Variants in PTPRK observed in about 807,000 individuals in gnomAD.
The protein encoded by PTPRK is receptor-type tyrosine-protein phosphatase kappa.
In PTPRK, 75 loss-of-function variants were observed where a neutral mutation model predicts 178.0. The ratio of observed to expected loss-of-function variants is 0.42; its 90% CI spans 0.35 to 0.51. The LOEUF is 0.51. Ranked by LOEUF, PTPRK falls within the 20% of genes least tolerant of loss-of-function variation. PTPRK has a pLI of 0.02. For missense variants in PTPRK, 1,441 were observed against 1,797.8 expected (o/e 0.80, Z 3.59); for synonymous variants, 637 against 620.6 (o/e 1.03, Z -0.39).
At chr6:127,972,966 G>T (rs908310472) in intron 29 of PTPRK, 56 bp downstream of exon 29, 26 of 1,531,290 alleles carry the variant, frequency 1.7e-5, no homozygotes, top group Non-Finnish European at 2.3e-5. Context: ...CAATAAGTAG[G>T]TATATGACTA....
chr6:128,063,273 T>C (rs1781175248), intron 13 of PTPRK, among the ~76,000 whole-genome samples: 1 of 152,198 alleles, frequency 6.6e-6, no homozygotes, highest in African/African-American at 2.4e-5. Context: ...GGTAAGACTG[T>C]TTCCAGGATC....
chr6:128,065,206 T>C (rs1582816256), intron 12 of PTPRK, among the ~76,000 whole-genome samples: 2 of 152,308 alleles, frequency 1.3e-5, no homozygotes, highest in South Asian at 4.1e-4. Context: ...TTACATACTT[T>C]CATCTGGATC....
chr6:128,425,595 T>A, intron 1 of PTPRK, among the ~76,000 whole-genome samples: 1 of 152,196 alleles, frequency 6.6e-6, no homozygotes, highest in Non-Finnish European at 1.5e-5. Context: ...CTTCTACAAC[T>A]ACCACAACTA....
At position 128,184,647 on chromosome 6, in the gene PTPRK, G is replaced by A; in HGVS notation, c.947C>T (p.Ser316Leu). 1.2e-6 allele frequency: 2 copies of A among 1,613,966 alleles called. No individual in the cohort carries two copies. Among genetic ancestry groups the A allele is most frequent in the Non-Finnish European group, 1.7e-6 (2 of 1,179,914 alleles). Residue 316 changes from serine (S) to leucine (L), a missense_variant, in exon 7 of 30, where the codon TCG becomes TTG. Ser to Leu is a moderately radical substitution (Grantham distance 145). Coordinates refer to ENST00000368226, the MANE Select transcript of PTPRK (RefSeq NM_002844.4). ...TYLLIQLNAN[S>L]IIGDGPIILK... ...GATGATAGGACCATCGCCAATGATC[G>A]AGTTGGCATTTAGTTGGATCAGCAA...
intron 3 of PTPRK, among the ~76,000 whole-genome samples, chr6:128,292,029 A>G (rs1167078633): frequency 6.6e-6 from 1 of 152,134 alleles, no homozygotes; most frequent in African/African-American, 2.4e-5. Flanking sequence ...TTAGAAATGA[A>G]AAGATAAATA....
chr6:128,507,433 A>G (rs1856537031), intron 1 of PTPRK, among the ~76,000 whole-genome samples: 1 of 152,116 alleles, frequency 6.6e-6, no homozygotes, highest in Admixed American at 6.5e-5. Flanking sequence ...TTTCCTGGTA[A>G]GACCGTGAGT....
rs542586541 is a variant in PTPRK, at chr6:128,223,098, CTT to C, written c.694-4004_694-4003del. On this transcript the variant is annotated intron_variant, in intron 5 of 29. Coordinates refer to ENST00000368226, the MANE Select transcript of PTPRK (RefSeq NM_002844.4). Reference sequence around the variant, plus strand: ...TCTACTATGATATATTTATCAATGTCTTTTCATCTGTTTGTATACTGAAATCA... The same window carrying C: ...TCTACTATGATATATTTATCAATGTCTTCATCTGTTTGTATACTGAAATCA... Among the ~76,000 whole-genome samples the C allele has an allele frequency of 6.2e-4, 95 of 152,134 alleles. 1 individual carries two copies. Among genetic ancestry groups the C allele is most frequent in the African/African-American group, 2.2e-3 (91 of 41,510 alleles).
chr6:127,981,934 G>A (rs1219179240), intron 24 of PTPRK, among the ~76,000 whole-genome samples: 1 of 151,958 alleles, frequency 6.6e-6, no homozygotes, highest in Non-Finnish European at 1.5e-5. Flanking sequence ...CAAACTTCCA[G>A]GGTCAAGCAA....
chr6:128,154,805 C>T (rs1393638613), intron 7 of PTPRK, among the ~76,000 whole-genome samples: 1 of 151,622 alleles, frequency 6.6e-6, no homozygotes, highest in Non-Finnish European at 1.5e-5. Context: ...GAGGTACAAA[C>T]CTATATTCCA....
Position 128,519,878 on chromosome 6 carries a change from A to T in PTPRK, c.100+381T>A, listed in dbSNP as rs926351499. Among the ~76,000 whole-genome samples the T allele has an allele frequency of 1.2e-4, 19 of 152,298 alleles. No homozygotes were observed. The highest frequency in any genetic ancestry group is 4.6e-4 in the African/African-American group (19 of 41,576). ...CAATGGCTTCCCAGGGAATTTGTTT[A>T]AACACCCAAGTGGCAGACAGCAACA... is the stretch of plus-strand genomic sequence containing the variant. On this transcript the variant is annotated intron_variant, in intron 1 of 29. Coordinates refer to ENST00000368226, the MANE Select transcript of PTPRK (RefSeq NM_002844.4). The surrounding 1 kb of genome is among the most constrained non-coding windows in gnomAD (Gnocchi z 4.3).
At chr6:128,422,268 T>A (rs1400812930) in intron 1 of PTPRK, among the ~76,000 whole-genome samples, 2 of 152,154 alleles carry the variant, frequency 1.3e-5, no homozygotes, top group African/African-American at 4.8e-5. Flanking sequence ...TAGTAAAAAC[T>A]CACTCTCCCC....
chr6:128,155,000 T>A (rs1797769869), intron 7 of PTPRK, among the ~76,000 whole-genome samples: 1 of 151,798 alleles, frequency 6.6e-6, no homozygotes, highest in African/African-American at 2.4e-5. Flanking sequence ...GTAAGTCCTT[T>A]CTCTCCTCTC....
At chr6:128,376,402 C>A (rs927350737) in intron 2 of PTPRK, among the ~76,000 whole-genome samples, 2 of 152,204 alleles carry the variant, frequency 1.3e-5, no homozygotes, top group African/African-American at 4.8e-5. Flanking sequence ...TACCTTTCAG[C>A]CATGGCTGGC....
chr6:128,015,161 AAC>A (rs1171476688), intron 13 of PTPRK, among the ~76,000 whole-genome samples: 3 of 151,832 alleles, frequency 2.0e-5, no homozygotes, highest in East Asian at 3.9e-4. Flanking sequence ...TGGTTTTAAA[AAC>A]ACAGTTCAAA....
chr6:128,280,638 G>C (rs1156782329), intron 3 of PTPRK, among the ~76,000 whole-genome samples: 1 of 152,060 alleles, frequency 6.6e-6, no homozygotes, highest in African/African-American at 2.4e-5. Flanking sequence ...AAAAAGTATG[G>C]AATCATTAGG....
In PTPRK at chr6:128,236,017, T is replaced by C. The variant is rs538560961; in HGVS notation, c.693+4018A>G. 2.6e-5 allele frequency among the ~76,000 whole-genome samples: 4 copies of C among 152,284 alleles called. No individual in the cohort carries two copies. In the South Asian group the frequency reaches 8.3e-4, roughly 32 times the overall value. On this transcript the variant is annotated intron_variant, in intron 5 of 29. Transcript: ENST00000368226. ...ATTATTGTTAATCTCTTACTGTGTC[T>C]AATTTATTAATTAAACTTGATCATA... is the stretch of plus-strand genomic sequence containing the variant.
chr6:128,214,188 C>G (rs900200967), intron 6 of PTPRK, among the ~76,000 whole-genome samples: 1 of 152,136 alleles, frequency 6.6e-6, no homozygotes, highest in East Asian at 1.9e-4. Flanking sequence ...CTGAAAAGTT[C>G]TAATAGGTTT....
chr6:128,387,788 A>C (rs749456459), intron 2 of PTPRK, among the ~76,000 whole-genome samples: 7 of 152,164 alleles, frequency 4.6e-5, no homozygotes, highest in Non-Finnish European at 1.0e-4. Flanking sequence ...AGGGGTAGGA[A>C]GATACTGCAT....
intron 3 of PTPRK, among the ~76,000 whole-genome samples, chr6:128,307,461 TAA>T (rs540521960): frequency 0.11 from 13,796 of 123,008 alleles, 796 homozygotes; most frequent in African/African-American, 0.19. Flanking sequence ...ATTTGTAAAG[TAA>T]AAAAAAAAAA....
Sources: gnomAD v4.1 joint callset for allele counts (sites outside exome capture counted in the v4.1 genomes callset) on GRCh38, gnomAD v4.1.1 for gene constraint, Gnocchi (gnomAD v3.1) non-coding constraint, MANE v1.5 for transcripts, NCBI Gene and HGNC (gene_info 2026-07-23, HGNC 2026-07-21) for gene names.